NOCT: variants seen among roughly 807,000 people sequenced by gnomAD.
NOCT encodes the protein nocturnin, also known as CCR4 carbon catabolite repression 4-like.
NOCT carries 18 observed loss-of-function variants against 35.0 expected under a neutral mutation model. The observed-to-expected ratio is 0.51, with a 90% CI of 0.36 to 0.76. The LOEUF (loss-of-function observed/expected upper bound fraction) is 0.76. Among genes scored for constraint, NOCT ranks in the 30% least tolerant of loss-of-function variants. The pLI is 0.01. For synonymous variants in NOCT, 235 were observed against 226.3 expected, an observed-to-expected ratio of 1.04 and a Z score of -0.34; for missense variants, 479 against 541.0, an observed-to-expected ratio of 0.89 and a Z score of 1.14.
chr4:139,042,228 C>G (rs543874987), intron 1 of NOCT, among the ~76,000 whole-genome samples: 1 of 151,892 alleles, frequency 6.6e-6, no homozygotes, highest in Non-Finnish European at 1.5e-5. Flanking sequence ...CCACCACACC[C>G]GGCTAATTTT....
At chr4:139,018,041 A>G (rs1340687424) in intron 1 of NOCT, among the ~76,000 whole-genome samples, 1 of 152,106 alleles carries the variant, frequency 6.6e-6, no homozygotes, top group East Asian at 1.9e-4. Context: ...GTTGCTGGAG[A>G]TTCTGAACTA....
rs775614003 is a variant in NOCT at position 139,043,339 on chromosome 4, C to T, written c.456C>T (p.Ala152=). ...GGGTTATGCAATGGAACATCCTCGC[C>T]CAAGGTATGCTGGATGCTTTTGTGC... ...PIRVMQWNIL[A]QALGEGKDNF... The change falls in exon 2 of 3, where the codon GCC becomes GCT. Residue 152 remains alanine, a synonymous_variant. Coordinates refer to ENST00000280614, the MANE Select transcript of NOCT (RefSeq NM_012118.4). 2 of 1,612,752 alleles carry T rather than the reference C, an allele frequency of 1.2e-6. No homozygotes were observed. Among genetic ancestry groups the T allele is most frequent in the Non-Finnish European group, 1.7e-6 (2 of 1,178,928 alleles).
intron 1 of NOCT, among the ~76,000 whole-genome samples, chr4:139,039,016 TAAC>T (rs1346302590): frequency 2.6e-5 from 4 of 152,048 alleles, no homozygotes; most frequent in Non-Finnish European, 4.4e-5. Context: ...TGTGTGTACT[TAAC>T]AACACATTTT....
intron 1 of NOCT, among the ~76,000 whole-genome samples, chr4:139,032,859 G>A (rs1164486378): frequency 2.0e-5 from 3 of 152,144 alleles, no homozygotes; most frequent in African/African-American, 7.2e-5. Flanking sequence ...ATGTATTTAT[G>A]TATGAAAGGA....
In NOCT at chr4:139,043,123, G is replaced by C; in HGVS notation, c.240G>C (p.Lys80Asn). The change falls in exon 2 of 3, where the codon AAG becomes AAC. Residue 80 changes from lysine (K) to asparagine (N), a missense_variant. Lys to Asn is a moderately conservative substitution (Grantham distance 94). Transcript: ENST00000280614. Reference protein sequence around the residue: ...GTSRLYSALAKTLNSSAASQH... With the variant: ...GTSRLYSALANTLNSSAASQH... ...GCAGACTCTATAGTGCTCTCGCCAA[G>C]ACACTGAACAGCAGCGCTGCCTCCC... is the stretch of plus-strand genomic sequence containing the variant. 6.2e-7 allele frequency: 1 copy of C among 1,613,932 alleles called. No individual in the cohort carries two copies. The highest frequency in any genetic ancestry group is 1.1e-5 in the South Asian group (1 of 91,074).
Position 139,044,434 on chromosome 4 carries a change from C to T in NOCT, c.461-205C>T, listed in dbSNP as rs187289922. ...GAATATAGTTAACATGAAATCATTT[C>T]GAAACAAAAGATCTGTTGTTTGCTT... On this transcript the variant is annotated intron_variant, in intron 2 of 2. Coordinates refer to ENST00000280614, the MANE Select transcript of NOCT (RefSeq NM_012118.4). Among the ~76,000 whole-genome samples, 9 of 152,236 alleles carry T rather than the reference C, an allele frequency of 5.9e-5. No homozygotes were observed. The East Asian group carries it at 1.5e-3, about 26-fold the overall frequency.
At position 139,022,597 on chromosome 4, in the gene NOCT, C is replaced by T. The variant is rs1264610672; in HGVS notation, c.190+6426C>T. On this transcript the variant is annotated intron_variant, in intron 1 of 2. Transcript: ENST00000280614. ...ACACAGGCGGACACCTGTGAGGAGG[C>T]TCGTTTTACTAAATGCTTAGAAGCC... Among the ~76,000 whole-genome samples the T allele has an allele frequency of 5.3e-5, 8 of 152,262 alleles. No homozygotes were observed. The East Asian group carries it at 5.8e-4, about 11-fold the overall frequency.
intron 1 of NOCT, among the ~76,000 whole-genome samples, chr4:139,032,558 GAGC>G: frequency 6.6e-6 from 1 of 152,262 alleles, no homozygotes; most frequent in South Asian, 2.1e-4. Context: ...AATGAATTGT[GAGC>G]AGAAGCCAAA....
At chr4:139,036,145 G>A (rs1478025717) in intron 1 of NOCT, among the ~76,000 whole-genome samples, 1 of 152,080 alleles carries the variant, frequency 6.6e-6, no homozygotes, top group Non-Finnish European at 1.5e-5. Context: ...CTCCCCACTA[G>A]AAAGAACAGA....
intron 2 of NOCT, among the ~76,000 whole-genome samples, chr4:139,044,285 T>A (rs1726894083): frequency 6.6e-6 from 1 of 152,168 alleles, no homozygotes; most frequent in African/African-American, 2.4e-5. Context: ...TACTTGGTGT[T>A]AAATATTTGG....
At chr4:139,022,694 G>A (rs957836711) in intron 1 of NOCT, among the ~76,000 whole-genome samples, 2 of 152,184 alleles carry the variant, frequency 1.3e-5, no homozygotes, top group Non-Finnish European at 2.9e-5. Flanking sequence ...GTGGAGAGTT[G>A]TGCAGAAAGG....
intron 1 of NOCT, among the ~76,000 whole-genome samples, chr4:139,017,936 G>C (rs1373823026): frequency 6.6e-6 from 1 of 152,072 alleles, no homozygotes; most frequent in Non-Finnish European, 1.5e-5. Flanking sequence ...CAAACTCCTG[G>C]CCTCGAGTTA....
chr4:139,043,146 C>G lies in NOCT; in HGVS notation c.263C>G (p.Ser88Cys). The change falls in exon 2 of 3, where the codon TCC (serine) becomes TGC (cysteine). Residue 88 changes from serine (S) to cysteine (C), a missense_variant. Physicochemically the swap from Ser to Cys is moderately radical, Grantham distance 112 (BLOSUM62 -1). Coordinates refer to ENST00000280614, the MANE Select transcript of NOCT (RefSeq NM_012118.4). The stretch of plus-strand genomic sequence containing the variant: ...AAGACACTGAACAGCAGCGCTGCCT[C>G]CCAGCACCCAGAGTATTTGGTGTCA... The part of the protein sequence containing the change: ...LAKTLNSSAA[S>C]QHPEYLVSPD... The G allele has an allele frequency of 1.9e-6, 3 of 1,614,104 alleles. No homozygotes were observed. The highest frequency in any genetic ancestry group is 2.5e-6 in the Non-Finnish European group (3 of 1,180,002).
intron 1 of NOCT, among the ~76,000 whole-genome samples, chr4:139,026,268 A>G (rs1383069793): frequency 6.6e-6 from 1 of 151,874 alleles, no homozygotes; most frequent in Non-Finnish European, 1.5e-5. Flanking sequence ...CGCCCAGCTA[A>G]TTTTGTGTTT....
chr4:139,040,134 G>A (rs1229208527), intron 1 of NOCT, among the ~76,000 whole-genome samples: 1 of 150,610 alleles, frequency 6.6e-6, no homozygotes, highest in African/African-American at 2.4e-5. Flanking sequence ...TCCGCCTCCC[G>A]GGAGCCTCCT....
At chr4:139,022,163 A>G (rs1277200688) in intron 1 of NOCT, among the ~76,000 whole-genome samples, 1 of 152,226 alleles carries the variant, frequency 6.6e-6, no homozygotes, top group Non-Finnish European at 1.5e-5. Flanking sequence ...TTAGCCTCAT[A>G]GTAAACCTGT....
chr4:139,033,364 CAAAA>C (rs534407323), intron 1 of NOCT, among the ~76,000 whole-genome samples: 1 of 137,594 alleles, frequency 7.3e-6, no homozygotes, highest in Admixed American at 7.3e-5. Flanking sequence ...GACTCCATCT[CAAAA>C]AAAAAAAAAG....
chr4:139,025,307 G>C (rs780203754), intron 1 of NOCT, among the ~76,000 whole-genome samples: 13 of 152,078 alleles, frequency 8.5e-5, no homozygotes, highest in Non-Finnish European at 1.5e-4. Flanking sequence ...AGCTTCTCCT[G>C]CCCTTTCTAT....
chr4:139,021,712 A>T (rs1426271052), intron 1 of NOCT, among the ~76,000 whole-genome samples: 8 of 151,452 alleles, frequency 5.3e-5, no homozygotes, highest in African/African-American at 1.9e-4. Context: ...AGGGAGATAC[A>T]GCGTCTGTAT....
Sources: gnomAD v4.1 joint callset for allele counts (sites outside exome capture counted in the v4.1 genomes callset) on GRCh38, gnomAD v4.1.1 for gene constraint, MANE v1.5 for transcripts, NCBI Gene and HGNC (gene_info 2026-07-23, HGNC 2026-07-21) for gene names.